Variants in PCDH15 observed in about 807,000 individuals in gnomAD.
PCDH15 encodes protocadherin-15.
A neutral mutation model predicts 178.5 loss-of-function variants in PCDH15; 129 were observed. That is an observed-to-expected ratio of 0.72 (90% CI 0.63 to 0.84). PCDH15 has a LOEUF of 0.84. Among genes scored for constraint, PCDH15 ranks in the 40% least tolerant of loss-of-function variants. The pLI, the probability that PCDH15 is intolerant of heterozygous loss-of-function variation, is 0.00. For synonymous variants in PCDH15, 800 were observed against 732.0 expected (o/e 1.09, Z -1.50); for missense variants, 2,230 against 2,099.9 (o/e 1.06, Z -1.21).
intron 2 of PCDH15, among the ~76,000 whole-genome samples, chr10:54,650,009 A>C (rs923089590): frequency 6.6e-6 from 1 of 152,160 alleles, no homozygotes; most frequent in Non-Finnish European, 1.5e-5. Context: ...TCCTGAGGAA[A>C]ATATAAGTAA....
At chr10:54,897,352 C>T (rs138676824) in intron 3 of PCDH15, 2 of 152,160 alleles carry the variant, frequency 1.3e-5, no homozygotes, top group South Asian at 2.1e-4. Flanking sequence ...AATCAACACT[C>T]TACTTATGAT....
chr10:54,674,045 T>C (rs1208608720), intron 1 of PCDH15, among the ~76,000 whole-genome samples: 1 of 152,220 alleles, frequency 6.6e-6, no homozygotes, highest in Non-Finnish European at 1.5e-5. Flanking sequence ...CTTTATTTTC[T>C]ACTTCACATT....
At chr10:54,948,826 T>G (rs1388678008) in intron 2 of PCDH15, among the ~76,000 whole-genome samples, 3 of 151,936 alleles carry the variant, frequency 2.0e-5, no homozygotes. Context: ...AATGTCAATA[T>G]CATCCAGAAA....
intron 1 of PCDH15, among the ~76,000 whole-genome samples, chr10:54,767,490 A>G (rs141689527): frequency 6.6e-6 from 1 of 152,248 alleles, no homozygotes; most frequent in African/African-American, 2.4e-5. Context: ...AAATCCTTAC[A>G]TCTTAAGTGT....
rs1564784810 is a variant in PCDH15, at chr10:54,247,962, ACAT to A, written c.877-11034_877-11032del. Among the ~76,000 whole-genome samples the A allele has an allele frequency of 9.1e-4, 126 of 138,210 alleles. 1 individual carries two copies. The highest frequency in any genetic ancestry group is 2.6e-3 in the African/African-American group (85 of 32,294). 90.7% of individuals were successfully genotyped at this position (138,210 alleles called of 152,430 possible). A position where few individuals can be genotyped will look rare whatever the true frequency, so the allele number is the denominator to read the frequency against. On this transcript the variant is annotated intron_variant, in intron 8 of 37. Transcript: ENST00000644397. ...TATATATATATATATATATATATAC[ACAT>A]ACAGTAAATGACATTCTTAATATGT...
At position 54,198,914 on chromosome 10, in the gene PCDH15, A is replaced by C. The variant is rs190742225; in HGVS notation, c.1099-3025T>G. 1.6e-3 allele frequency among the ~76,000 whole-genome samples: 250 copies of C among 152,288 alleles called. 1 individual carries two copies. Among genetic ancestry groups the C allele is most frequent in the Middle Eastern group, 6.8e-3 (2 of 294 alleles). Reference sequence around the variant, plus strand: ...TATATAGGTGGTGAGGAGGATGAAAAAAGCAAAATTGTATAATAATGAAAT... The same window carrying C: ...TATATAGGTGGTGAGGAGGATGAAACAAGCAAAATTGTATAATAATGAAAT... On this transcript the variant is annotated intron_variant, in intron 10 of 37. Coordinates refer to ENST00000644397, the MANE Select transcript of PCDH15 (RefSeq NM_001384140.1).
intron 10 of PCDH15, among the ~76,000 whole-genome samples, chr10:54,202,649 C>T (rs1231480529): frequency 6.6e-6 from 1 of 151,924 alleles, no homozygotes; most frequent in Non-Finnish European, 1.5e-5. Context: ...CCTGTGTCTA[C>T]TAAAAATACA....
intron 3 of PCDH15, among the ~76,000 whole-genome samples, chr10:54,859,581 T>C (rs1953804536): frequency 1.3e-5 from 2 of 152,010 alleles, no homozygotes; most frequent in African/African-American, 4.8e-5. Context: ...TTTTTCTAGT[T>C]CTGTCAGGCA....
chr10:53,828,710 C>A, intron 30 of PCDH15, 137 bp from the exon 31 acceptor site: 1 of 710,984 alleles, frequency 1.4e-6, no homozygotes, highest in Non-Finnish European at 2.4e-6. Context: ...TAATGACAGA[C>A]TAAGAAAACT....
At chr10:54,242,779 T>A (rs1356923674) in intron 8 of PCDH15, among the ~76,000 whole-genome samples, 1 of 152,178 alleles carries the variant, frequency 6.6e-6, no homozygotes, top group Non-Finnish European at 1.5e-5. Flanking sequence ...TGTGCCCAAG[T>A]ATTTCAAATT....
chr10:54,967,069 T>C (rs2131889997), intron 2 of PCDH15, among the ~76,000 whole-genome samples: 1 of 152,254 alleles, frequency 6.6e-6, no homozygotes, highest in South Asian at 2.1e-4. Flanking sequence ...GATGAGTGAA[T>C]GTGAAGGCCT....
At chr10:55,431,080 C>T (rs1224020058) in intron 2 of PCDH15, among the ~76,000 whole-genome samples, 1 of 151,938 alleles carries the variant, frequency 6.6e-6, no homozygotes. Context: ...TCATGAATAA[C>T]CTGGGTTAGG....
intron 2 of PCDH15, among the ~76,000 whole-genome samples, chr10:55,544,320 A>T (rs1841833150): frequency 6.6e-6 from 1 of 151,338 alleles, no homozygotes; most frequent in Non-Finnish European, 1.5e-5. Flanking sequence ...GGTAATTTTG[A>T]CTTTTCTGAC....
At chr10:54,144,852 A>C (rs1444702920) in intron 14 of PCDH15, among the ~76,000 whole-genome samples, 1 of 152,224 alleles carries the variant, frequency 6.6e-6, no homozygotes, top group African/African-American at 2.4e-5. Context: ...AATTAGCAAC[A>C]GCAGATAAAC....
intron 13 of PCDH15, among the ~76,000 whole-genome samples, chr10:54,168,438 C>A (rs964674232): frequency 3.3e-5 from 5 of 151,952 alleles, no homozygotes; most frequent in African/African-American, 1.2e-4. Context: ...CCAGGCTGCT[C>A]CTCGCCAGGC....
chr10:54,116,118 A>G (rs1248540586), intron 15 of PCDH15, among the ~76,000 whole-genome samples: 1 of 152,112 alleles, frequency 6.6e-6, no homozygotes, highest in East Asian at 1.9e-4. Flanking sequence ...ATTGGGGTAC[A>G]CTGTAGGTCA....
intron 2 of PCDH15, among the ~76,000 whole-genome samples, chr10:55,530,775 A>C (rs918325474): frequency 9.9e-5 from 15 of 151,956 alleles, no homozygotes; most frequent in Non-Finnish European, 7.4e-5. Context: ...AGCTATCTAA[A>C]TATATTTAAT....
chr10:55,172,957 T>G (rs1312206183), intron 1 of PCDH15, among the ~76,000 whole-genome samples: 1 of 151,994 alleles, frequency 6.6e-6, no homozygotes, highest in African/African-American at 2.4e-5. Flanking sequence ...CAAAAAAGGT[T>G]TGTTTTATGC....
intron 28 of PCDH15, among the ~76,000 whole-genome samples, chr10:53,855,904 G>GTATGTATATATATATATATA (rs147606526): frequency 1.8e-4 from 20 of 109,698 alleles, no homozygotes; most frequent in African/African-American, 7.5e-4. Flanking sequence ...AAGGTGATAT[G>GTATGTATATATATATATATA]TATATATATA....
Sources: allele counts gnomAD v4.1 joint callset (sites outside exome capture counted in the v4.1 genomes callset), GRCh38; gene constraint gnomAD v4.1.1; transcripts MANE v1.5; gene names NCBI Gene and HGNC (gene_info 2026-07-23, HGNC 2026-07-21).